Variants in FAF1 observed in about 807,000 individuals in gnomAD.
The protein encoded by FAF1 is FAS-associated factor 1.
FAF1 carries 25 observed loss-of-function variants against 92.5 expected under a neutral mutation model. The observed-to-expected ratio is 0.27, with a 90% confidence interval of 0.20 to 0.38. The LOEUF (loss-of-function observed/expected upper bound fraction) is 0.38. Among genes scored for constraint, FAF1 ranks in the 10% least tolerant of loss-of-function variants. The probability of loss-of-function intolerance (pLI) is 1.00; values close to 1 mark genes in which losing one functional copy is unlikely to be tolerated. For missense variants in FAF1, 636 were observed against 793.3 expected, an observed-to-expected ratio of 0.80 and a Z score of 2.38; for synonymous variants, 234 against 273.2, an observed-to-expected ratio of 0.86 and a Z score of 1.42.
intron 8 of FAF1, among the ~76,000 whole-genome samples, chr1:50,609,091 C>G (rs1329202027): frequency 6.6e-6 from 1 of 152,194 alleles, no homozygotes; most frequent in African/African-American, 2.4e-5. Context: ...AGTTACTGAA[C>G]AACCACAATG....
chr1:50,943,907 T>C (rs1645153915), intron 1 of FAF1, among the ~76,000 whole-genome samples: 1 of 152,228 alleles, frequency 6.6e-6, no homozygotes, highest in African/African-American at 2.4e-5. Flanking sequence ...CACTAGGTCT[T>C]TCTAAGGAGA....
intron 2 of FAF1, among the ~76,000 whole-genome samples, chr1:50,816,799 T>A (rs1351184778): frequency 6.6e-6 from 1 of 152,324 alleles, no homozygotes; most frequent in East Asian, 1.9e-4. Flanking sequence ...TTCTTCTAGA[T>A]TCTTATAGTT....
At chr1:50,815,711 T>C (rs1291516365) in intron 2 of FAF1, among the ~76,000 whole-genome samples, 1 of 152,210 alleles carries the variant, frequency 6.6e-6, no homozygotes, top group Non-Finnish European at 1.5e-5. Flanking sequence ...TCAGCATCTG[T>C]TATTTTTTTA....
chr1:50,931,691 C>T lies in FAF1; in HGVS notation c.45+28076G>A, dbSNP rs1204198446. ...GACCATCCTAGCTAACACAGTGAAACCCCATCTCTACTAAAAATACAACAA... is the reference window on the plus strand; with the variant it reads ...GACCATCCTAGCTAACACAGTGAAATCCCATCTCTACTAAAAATACAACAA... On this transcript the variant is annotated intron_variant, in intron 1 of 18. Transcript: ENST00000396153. Among the ~76,000 whole-genome samples the T allele has an allele frequency of 2.6e-5, 4 of 151,886 alleles. No individual in the cohort carries two copies. The East Asian group carries it at 7.7e-4, about 29-fold the overall frequency.
intron 13 of FAF1, among the ~76,000 whole-genome samples, chr1:50,547,548 G>A (rs1649089868): frequency 6.6e-6 from 1 of 151,986 alleles, no homozygotes; most frequent in African/African-American, 2.4e-5. Flanking sequence ...CTGAGTAGCT[G>A]GGATTACAGG....
chr1:50,756,255 C>G (rs1211198395), intron 4 of FAF1, among the ~76,000 whole-genome samples: 1 of 151,570 alleles, frequency 6.6e-6, no homozygotes, highest in Non-Finnish European at 1.5e-5. Flanking sequence ...GCCAAATACC[C>G]TAAATCATCT....
intron 17 of FAF1, among the ~76,000 whole-genome samples, chr1:50,485,680 A>C (rs1422705900): frequency 6.7e-6 from 1 of 149,882 alleles, no homozygotes; most frequent in East Asian, 2.0e-4. Context: ...AAAAAAAAAA[A>C]AAAAAAAAAA....
intron 1 of FAF1, among the ~76,000 whole-genome samples, chr1:50,931,720 C>A (rs983524714): frequency 2.2e-4 from 34 of 151,474 alleles, no homozygotes; most frequent in African/African-American, 7.0e-4. Context: ...ACAACAACAA[C>A]AAAAAAATTA....
intron 8 of FAF1, among the ~76,000 whole-genome samples, chr1:50,638,426 G>GCTTTTT (rs1157866004): frequency 9.2e-4 from 138 of 150,002 alleles, no homozygotes; most frequent in Non-Finnish European, 1.6e-3. Flanking sequence ...GGTAGGTATT[G>GCTTTTT]CTTTTTCTTT....
At chr1:50,607,129 T>C (rs1423796863) in intron 8 of FAF1, among the ~76,000 whole-genome samples, 1 of 152,200 alleles carries the variant, frequency 6.6e-6, no homozygotes, top group Non-Finnish European at 1.5e-5. Context: ...AAGCCACCTT[T>C]TTTTTTCCTG....
chr1:50,845,075 T>C lies in FAF1; in HGVS notation c.114+12854A>G, dbSNP rs1422345750. ...TCCATCTGTCTCAGTTATCAATTTA[T>C]TGACTCTCAGATCCAAAAGCATCCT... is the stretch of plus-strand genomic sequence containing the variant. On this transcript the variant is annotated intron_variant, in intron 2 of 18. Transcript: ENST00000396153. Among the ~76,000 whole-genome samples the C allele has an allele frequency of 5.3e-5, 8 of 152,296 alleles. No individual in the cohort carries two copies. The South Asian group carries it at 6.2e-4, about 12-fold the overall frequency.
At chr1:50,488,449 G>T (rs925874489) in intron 17 of FAF1, among the ~76,000 whole-genome samples, 1 of 152,174 alleles carries the variant, frequency 6.6e-6, no homozygotes, top group Non-Finnish European at 1.5e-5. Context: ...AAGCCAGTAT[G>T]GTTGACGATA....
At chr1:50,761,930 C>T (rs1310334459) in intron 4 of FAF1, among the ~76,000 whole-genome samples, 3 of 152,060 alleles carry the variant, frequency 2.0e-5, no homozygotes, top group East Asian at 1.9e-4. Flanking sequence ...GATTGTATAT[C>T]TAGAAAACCC....
chr1:50,880,569 C>T (rs1644603707), intron 1 of FAF1, among the ~76,000 whole-genome samples: 1 of 152,158 alleles, frequency 6.6e-6, no homozygotes, highest in Non-Finnish European at 1.5e-5. Flanking sequence ...CAAGGAAAGT[C>T]ATATGAGGAC....
At chr1:50,945,335 T>C (rs561955323) in intron 1 of FAF1, among the ~76,000 whole-genome samples, 35 of 152,108 alleles carry the variant, frequency 2.3e-4, no homozygotes, top group African/African-American at 7.2e-4. Flanking sequence ...GCACCACTGA[T>C]AGGAAGCTGG....
intron 1 of FAF1, among the ~76,000 whole-genome samples, chr1:50,928,203 C>T (rs1289811784): frequency 3.9e-5 from 6 of 152,074 alleles, no homozygotes; most frequent in Non-Finnish European, 7.4e-5. Context: ...GGCACACAGA[C>T]GACAATTTTT....
At chr1:50,556,155 G>A (rs1478453077) in intron 13 of FAF1, among the ~76,000 whole-genome samples, 5 of 149,064 alleles carry the variant, frequency 3.4e-5, no homozygotes, top group Non-Finnish European at 5.9e-5. Flanking sequence ...GGAGACTGGC[G>A]TGAACCCAGG....
At chr1:50,662,679 GTATCTT>G (rs1655429649) in intron 7 of FAF1, among the ~76,000 whole-genome samples, 1 of 106,708 alleles carries the variant, frequency 9.4e-6, no homozygotes, top group Non-Finnish European at 1.9e-5. Flanking sequence ...AAATGAATTT[GTATCTT>G]TTTTTTTTTT....
At chr1:50,891,287 C>T (rs1570107619) in intron 1 of FAF1, among the ~76,000 whole-genome samples, 2 of 152,102 alleles carry the variant, frequency 1.3e-5, no homozygotes, top group Non-Finnish European at 1.5e-5. Flanking sequence ...TTTTTAACTT[C>T]TTTGAGATGG....
Sources: gnomAD v4.1 joint callset for allele counts (sites outside exome capture counted in the v4.1 genomes callset) on GRCh38, gnomAD v4.1.1 for gene constraint, MANE v1.5 for transcripts, NCBI Gene and HGNC (gene_info 2026-07-23, HGNC 2026-07-21) for gene names.